IGSF10: variants seen among roughly 807,000 people sequenced by gnomAD.
IGSF10 encodes calvaria mechanical force protein 608.
Under a neutral mutation model 128.2 loss-of-function variants are expected in IGSF10, and 126 were observed. The observed-to-expected ratio is 0.98, with a 90% CI of 0.85 to 1.14. The LOEUF (loss-of-function observed/expected upper bound fraction) is 1.14. Among genes scored for constraint, IGSF10 ranks in the 50% most tolerant of loss-of-function variants. The probability of loss-of-function intolerance (pLI) is 0.00; values close to 1 mark genes in which losing one functional copy is unlikely to be tolerated. For synonymous variants in IGSF10, 1,185 were observed against 1,146.2 expected (o/e 1.03, Z -0.68); for missense variants, 3,295 against 3,149.8 (o/e 1.05, Z -1.10).
chr3:151,440,476 G>A, intron 7 of IGSF10: 1 of 448,644 alleles, frequency 2.2e-6, no homozygotes, highest in Admixed American at 2.4e-5. Context: ...CCTAAAGGAA[G>A]GGAAACTGCC....
chr3:151,546,322 A>C, the IGSF10 span, among the ~76,000 whole-genome samples: 3 of 151,494 alleles, frequency 2.0e-5, no homozygotes, highest in South Asian at 6.3e-4. Context: ...GCAACTGATA[A>C]ATTTCTATGC....
At chr3:151,534,874 G>A in the IGSF10 span, among the ~76,000 whole-genome samples, 3 of 151,484 alleles carry the variant, frequency 2.0e-5, no homozygotes, top group South Asian at 4.2e-4. Context: ...GGAAACTACA[G>A]AATCACCTTC....
rs776551400 is a variant in IGSF10, at chr3:151,436,964, G to A, written c.7597C>T (p.Arg2533Cys). ...CTGGTGACAATACTCCTGGGTGGAC[G>A]ATTTGTAATTCGGGGAGGGTAGGCT... ...IVAYPPRITN[R>C]PPRSIVTRTG... is the part of the protein sequence containing the mutation. The change falls in exon 8 of 8, where the codon CGT (arginine) becomes TGT (cysteine). Residue 2533 changes from arginine to cysteine, a missense_variant. Coordinates refer to ENST00000282466, the MANE Select transcript of IGSF10 (RefSeq NM_178822.5). The A allele has an allele frequency of 2.3e-5, 37 of 1,614,084 alleles. No homozygotes were observed. Among genetic ancestry groups the A allele is most frequent in the Middle Eastern group, 1.6e-4 (1 of 6,084 alleles).
At chr3:151,561,546 A>T in the IGSF10 span, among the ~76,000 whole-genome samples, 1 of 152,176 alleles carries the variant, frequency 6.6e-6, no homozygotes, top group Non-Finnish European at 1.5e-5. Context: ...TTTAATAGGG[A>T]AACAGTTTTA....
At chr3:151,589,456 A>T in the IGSF10 span, among the ~76,000 whole-genome samples, 1 of 152,184 alleles carries the variant, frequency 6.6e-6, no homozygotes, top group African/African-American at 2.4e-5. Context: ...TGACCACGGA[A>T]TCCTTGTGTG....
At chr3:151,458,921 A>G (rs1721930597) in intron 2 of IGSF10, among the ~76,000 whole-genome samples, 1 of 152,162 alleles carries the variant, frequency 6.6e-6, no homozygotes. Flanking sequence ...TGGGATATTT[A>G]CTGTTGTGAA....
the IGSF10 span, among the ~76,000 whole-genome samples, chr3:151,506,259 T>C: frequency 1.3e-5 from 2 of 152,110 alleles, no homozygotes; most frequent in Non-Finnish European, 2.9e-5. Flanking sequence ...AGCCTAGGCT[T>C]GCTTTTTTTT....
Position 151,445,729 on chromosome 3 carries a change from T to C in IGSF10, c.4252A>G (p.Thr1418Ala). 1 of 1,614,100 alleles carries C rather than the reference T, an allele frequency of 6.2e-7. No homozygotes were observed. The highest frequency in any genetic ancestry group is 8.5e-7 in the Non-Finnish European group (1 of 1,180,042). Residue 1418 changes from threonine to alanine, a missense_variant, in exon 6 of 8, where the codon ACA becomes GCA. Thr to Ala is a moderately conservative substitution (Grantham distance 58). Transcript: ENST00000282466. ...ISFHSRTLNL[T>A]DVIEELAQAS... ...TGGGCTAGTTCTTCAATCACATCTGTCAGATTAAGAGTTCTTGAATGAAAA... is the reference window on the plus strand; with the variant it reads ...TGGGCTAGTTCTTCAATCACATCTGCCAGATTAAGAGTTCTTGAATGAAAA...
At chr3:151,520,207 CGA>C in the IGSF10 span, among the ~76,000 whole-genome samples, 2 of 151,742 alleles carry the variant, frequency 1.3e-5, no homozygotes, top group Non-Finnish European at 3.0e-5. Flanking sequence ...TAATCCTGCC[CGA>C]GTTTGTTTTG....
the IGSF10 span, among the ~76,000 whole-genome samples, chr3:151,617,320 C>CTTCTCCT: frequency 3.5e-3 from 291 of 83,626 alleles, 16 homozygotes; most frequent in Admixed American, 0.016. Context: ...CTTCTTCTTC[C>CTTCTCCT]CCTCCTCCTC....
chr3:151,603,200 C>T, the IGSF10 span, among the ~76,000 whole-genome samples: 2 of 152,186 alleles, frequency 1.3e-5, no homozygotes, highest in African/African-American at 4.8e-5. Context: ...GGAGTGAAGG[C>T]CTTTCTGAAA....
the IGSF10 span, among the ~76,000 whole-genome samples, chr3:151,521,683 A>G: frequency 6.6e-6 from 1 of 152,074 alleles, no homozygotes; most frequent in South Asian, 2.1e-4. Context: ...GATACAACAT[A>G]GCAAAATCTC....
Position 151,436,493 on chromosome 3 carries a change from T to C in IGSF10, c.*196A>G. 2.2e-6 allele frequency: 1 copy of C among 458,476 alleles called. No homozygotes were observed. 28.4% of individuals were successfully genotyped at this position (458,476 alleles called of 1,614,324 possible). Reference sequence around the variant, plus strand: ...AAAAGTGCCTTAAGTTAAAAGTTTGTTTTGAGATCCATTAAATAAATCAGT... The same window carrying C: ...AAAAGTGCCTTAAGTTAAAAGTTTGCTTTGAGATCCATTAAATAAATCAGT... On this transcript the variant is annotated 3_prime_UTR_variant, in exon 8 of 8. Transcript: ENST00000282466.
chr3:151,539,535 C>T, the IGSF10 span, among the ~76,000 whole-genome samples: 1 of 152,106 alleles, frequency 6.6e-6, no homozygotes, highest in African/African-American at 2.4e-5. Flanking sequence ...TCTTCCCAAA[C>T]TCAGGATGGC....
chr3:151,609,999 A>T, the IGSF10 span, among the ~76,000 whole-genome samples: 4 of 152,272 alleles, frequency 2.6e-5, no homozygotes, highest in East Asian at 7.7e-4. Context: ...TAAAAATTGA[A>T]ATGACTTTAA....
the IGSF10 span, among the ~76,000 whole-genome samples, chr3:151,558,027 A>ATAATATATATATTATATATATATATAT: frequency 1.9e-5 from 1 of 52,932 alleles, no homozygotes; most frequent in Non-Finnish European, 3.4e-5. Context: ...TAATATATAT[A>ATAATATATATATTATATATATATATAT]TTGGTACAAT....
intron 5 of IGSF10, among the ~76,000 whole-genome samples, chr3:151,450,956 A>G (rs1721484860): frequency 6.7e-6 from 1 of 150,166 alleles, no homozygotes; most frequent in Non-Finnish European, 1.5e-5. Context: ...AACAAGCTGT[A>G]TTCCTTTACC....
At position 151,437,846 on chromosome 3, in the gene IGSF10, C is replaced by CATTG. The variant is rs1420937818; in HGVS notation, c.6711_6714dup (p.Gly2239GlnfsTer11). On this transcript the variant is annotated frameshift_variant, in exon 8 of 8. Transcript: ENST00000282466. LOFTEE classifies it low-confidence loss of function (END_TRUNC). ...ATAACAGTTCTGTTTGTATACAGAC[C>CATTG]ATTGATTAATGGAGGTTTAGAGACC... 4.3e-6 allele frequency: 7 copies of CATTG among 1,613,910 alleles called. No individual in the cohort carries two copies. Among genetic ancestry groups the CATTG allele is most frequent in the Non-Finnish European group, 5.9e-6 (7 of 1,180,008 alleles).
At chr3:151,518,996 A>G in the IGSF10 span, among the ~76,000 whole-genome samples, 1 of 152,028 alleles carries the variant, frequency 6.6e-6, no homozygotes, top group East Asian at 1.9e-4. Flanking sequence ...GCTTCTGTGC[A>G]TTGGGACTTT....
Sources: gnomAD v4.1 joint callset for allele counts (sites outside exome capture counted in the v4.1 genomes callset) on GRCh38, gnomAD v4.1.1 for gene constraint, MANE v1.5 for transcripts, NCBI Gene and HGNC (gene_info 2026-07-23, HGNC 2026-07-21) for gene names.